Variants in LACTBL1 observed in about 807,000 individuals in gnomAD.
LACTBL1 encodes the protein beta-lactamase-like protein 1.
A neutral mutation model predicts 39.6 loss-of-function variants in LACTBL1; 29 were observed. That is an observed-to-expected ratio of 0.73 (90% CI 0.55 to 1.00). The LOEUF (loss-of-function observed/expected upper bound fraction) is 1.00. Among genes scored for constraint, LACTBL1 ranks in the 50% least tolerant of loss-of-function variants. The pLI, the probability that LACTBL1 is intolerant of heterozygous loss-of-function variation, is 0.00. For missense variants in LACTBL1, 711 were observed against 748.5 expected (o/e 0.95, Z 0.59); for synonymous variants, 361 against 360.7 (o/e 1.00, Z -0.01).
chr1:22,962,566 T>C (rs1640836507), intron 2 of LACTBL1, among the ~76,000 whole-genome samples: 1 of 152,270 alleles, frequency 6.6e-6, no homozygotes, highest in Admixed American at 6.5e-5. Flanking sequence ...GCCTCTGCAA[T>C]GTGGGCTCTG....
exon 1 of LACTBL1, chr1:22,965,300 C>A: frequency 7.6e-7 from 1 of 1,317,348 alleles, no homozygotes. Context: ...CGGTCTTCAG[C>A]TTGGGGAGGT....
intron 2 of LACTBL1, among the ~76,000 whole-genome samples, chr1:22,962,351 T>C (rs1041826857): frequency 4.6e-5 from 7 of 152,114 alleles, no homozygotes; most frequent in Non-Finnish European, 1.0e-4. Flanking sequence ...CGGATGATAG[T>C]TTTGAGTCTC....
exon 6 of LACTBL1, chr1:22,953,486 G>C (rs1471486588): frequency 1.6e-6 from 2 of 1,230,238 alleles, no homozygotes; most frequent in African/African-American, 3.1e-5. Flanking sequence ...TCGTAGGCCC[G>C]CGCCACCAGG....
intron 4 of LACTBL1, among the ~76,000 whole-genome samples, chr1:22,958,303 T>G (rs1364661422): frequency 6.6e-6 from 1 of 152,120 alleles, no homozygotes; most frequent in Non-Finnish European, 1.5e-5. Flanking sequence ...CAGACTGGCT[T>G]AGAATTACTG....
At chr1:22,963,545 G>A (rs920091204) in intron 1 of LACTBL1, among the ~76,000 whole-genome samples, 1 of 152,196 alleles carries the variant, frequency 6.6e-6, no homozygotes, top group Non-Finnish European at 1.5e-5. Context: ...AGCCACATCT[G>A]TCTGTCTGAC....
intron 2 of LACTBL1, among the ~76,000 whole-genome samples, chr1:22,960,617 C>CAAA (rs35006759): frequency 0.14 from 5,481 of 37,856 alleles, 531 homozygotes; most frequent in East Asian, 0.26. Flanking sequence ...AACTCCGTCT[C>CAAA]AAAAAAAAAA....
chr1:22,957,613 G>A (rs890309161), intron 4 of LACTBL1, among the ~76,000 whole-genome samples: 4 of 141,396 alleles, frequency 2.8e-5, no homozygotes, highest in Non-Finnish European at 4.6e-5. Context: ...GAATGAAGTT[G>A]AGCACCTTTT....
chr1:22,956,912 AC>A (rs1640767576), intron 4 of LACTBL1, among the ~76,000 whole-genome samples: 1 of 151,964 alleles, frequency 6.6e-6, no homozygotes, highest in South Asian at 2.1e-4. Flanking sequence ...TTTTCGTCTT[AC>A]CCTTCTCCCT....
chr1:22,959,315 C>A (rs1221659841), intron 3 of LACTBL1, among the ~76,000 whole-genome samples: 1 of 152,232 alleles, frequency 6.6e-6, no homozygotes, highest in East Asian at 1.9e-4. Flanking sequence ...GTTGTGCATG[C>A]AAAGTGCCTG....
At chr1:22,964,889 G>T (rs1299825645) in intron 1 of LACTBL1, among the ~76,000 whole-genome samples, 2 of 152,212 alleles carry the variant, frequency 1.3e-5, no homozygotes, top group African/African-American at 4.8e-5. Flanking sequence ...CTGAACACCT[G>T]TGAGTTGTTC....
upstream of LACTBL1, among the ~76,000 whole-genome samples, chr1:22,966,481 C>A (rs997315572): frequency 6.6e-6 from 1 of 152,100 alleles, no homozygotes; most frequent in Non-Finnish European, 1.5e-5. Flanking sequence ...TGGTGAGTTA[C>A]CAAATGAGAA....
upstream of LACTBL1, among the ~76,000 whole-genome samples, chr1:22,969,026 C>T (rs528393804): frequency 6.6e-6 from 1 of 152,286 alleles, no homozygotes; most frequent in South Asian, 2.1e-4. Flanking sequence ...AATCCTCCCA[C>T]CTTGACTTCT....
At chr1:22,954,174 G>T in intron 5 of LACTBL1, 150 bp from the exon 8 acceptor site, 3 of 1,396,326 alleles carry the variant, frequency 2.1e-6, no homozygotes, top group Non-Finnish European at 2.8e-6. Context: ...AGACTTTGGA[G>T]CACTGACTCT....
At position 22,962,162 on chromosome 1, in the gene LACTBL1, G is replaced by A. The variant is rs916923008; in HGVS notation, c.159+945C>T. Among the ~76,000 whole-genome samples, 5 of 152,106 alleles carry A rather than the reference G, an allele frequency of 3.3e-5. No individual in the cohort carries two copies. In the East Asian group the frequency reaches 7.7e-4, roughly 23 times the overall value. On this transcript the variant is annotated intron_variant, in intron 2 of 5. Transcript: ENST00000426928. ...CCAGGTGCTCAACAGAAGGCAGCATGGTTATTATTGTTGCTTTTATGAAAA... is the reference window on the plus strand; with the variant it reads ...CCAGGTGCTCAACAGAAGGCAGCATAGTTATTATTGTTGCTTTTATGAAAA...
chr1:22,954,578 C>G (rs551823220), intron 5 of LACTBL1, among the ~76,000 whole-genome samples: 6 of 152,194 alleles, frequency 3.9e-5, no homozygotes, highest in Non-Finnish European at 7.3e-5. Flanking sequence ...TCTGGGCCAA[C>G]TTCCTTATTT....
intron 2 of LACTBL1, among the ~76,000 whole-genome samples, chr1:22,961,666 T>C (rs950315150): frequency 1.3e-5 from 2 of 149,924 alleles, no homozygotes; most frequent in Non-Finnish European, 3.0e-5. Flanking sequence ...ACCTGGCCCC[T>C]ACGTCTTAAT....
chr1:22,953,213 A>G (rs989897589), exon 6 of LACTBL1: 34 of 1,232,146 alleles, frequency 2.8e-5, no homozygotes, highest in African/African-American at 2.0e-4. Flanking sequence ...GGCAGTGCGC[A>G]GGGGAACTCG....
Position 22,961,246 on chromosome 1 carries a change from T to C in LACTBL1, c.160-1147A>G, listed in dbSNP as rs562072477. 3.9e-5 allele frequency among the ~76,000 whole-genome samples: 6 copies of C among 152,346 alleles called. No individual in the cohort carries two copies. In the South Asian group the frequency reaches 1.2e-3, roughly 32 times the overall value. ...AGTCAGTGCTAATTTCTGCCCATTT[T>C]ACAGATGAGAAATGAGAGCCTATGA... On this transcript the variant is annotated intron_variant, in intron 2 of 5. Coordinates refer to ENST00000426928, the Ensembl canonical transcript of LACTBL1.
chr1:22,966,966 G>A (rs1308945611), upstream of LACTBL1, among the ~76,000 whole-genome samples: 1 of 152,160 alleles, frequency 6.6e-6, no homozygotes, highest in Non-Finnish European at 1.5e-5. Context: ...GGGCCCAGTG[G>A]CTCACTCCTA....
Sources: gnomAD v4.1 joint callset for allele counts (sites outside exome capture counted in the v4.1 genomes callset) on GRCh38, gnomAD v4.1.1 for gene constraint, MANE v1.5 for transcripts, NCBI Gene and HGNC (gene_info 2026-07-23, HGNC 2026-07-21) for gene names.